Variants in CLMP observed in about 807,000 individuals in gnomAD.
CLMP encodes the protein CXADR-like membrane protein.
CLMP carries 27 observed loss-of-function variants against 45.2 expected under a neutral mutation model. The ratio of observed to expected loss-of-function variants is 0.60; its 90% CI spans 0.44 to 0.82. The LOEUF is 0.82. Ranked by LOEUF, CLMP falls within the 40% of genes least tolerant of loss-of-function variation. The probability of loss-of-function intolerance (pLI) is 0.00; values close to 1 mark genes in which losing one functional copy is unlikely to be tolerated. For synonymous variants in CLMP, 167 were observed against 171.4 expected (o/e 0.97, Z 0.20); for missense variants, 403 against 448.4 (o/e 0.90, Z 0.91).
chr11:123,150,527 G>GGAAGGAAGGAAA (rs1861316258), intron 1 of CLMP, among the ~76,000 whole-genome samples: 2 of 113,858 alleles, frequency 1.8e-5, no homozygotes, highest in African/African-American at 7.3e-5. Context: ...AAGGAAGGAA[G>GGAAGGAAGGAAA]GAAAGAAACA....
chr11:123,185,503 G>C (rs1861822024), intron 1 of CLMP, among the ~76,000 whole-genome samples: 1 of 152,226 alleles, frequency 6.6e-6, no homozygotes, highest in Non-Finnish European at 1.5e-5. Context: ...AACAGGGTGT[G>C]AGAGGCAGTG....
At chr11:123,078,301 C>T (rs1865763177) in intron 5 of CLMP, among the ~76,000 whole-genome samples, 1 of 151,946 alleles carries the variant, frequency 6.6e-6, no homozygotes. Flanking sequence ...TAGCTATAAG[C>T]AACAACAATG....
chr11:123,155,905 G>C (rs1484942212), intron 1 of CLMP, among the ~76,000 whole-genome samples: 1 of 152,178 alleles, frequency 6.6e-6, no homozygotes, highest in African/African-American at 2.4e-5. Context: ...CAGCCCAAGG[G>C]GAGGCCCACA....
intron 1 of CLMP, among the ~76,000 whole-genome samples, chr11:123,110,401 C>A (rs185362935): frequency 6.6e-6 from 1 of 151,668 alleles, no homozygotes; most frequent in East Asian, 1.9e-4. Flanking sequence ...TTGCCATGAG[C>A]CCTGATTGTG....
intron 1 of CLMP, among the ~76,000 whole-genome samples, chr11:123,171,427 T>TTTTC (rs1555086699): frequency 1.8e-3 from 249 of 139,284 alleles, no homozygotes; most frequent in African/African-American, 4.0e-3. Flanking sequence ...AAGATTTTTT[T>TTTTC]TTTTCTTTTC....
intron 1 of CLMP, among the ~76,000 whole-genome samples, chr11:123,181,427 G>C (rs1210430529): frequency 6.6e-6 from 1 of 152,186 alleles, no homozygotes; most frequent in Non-Finnish European, 1.5e-5. Context: ...TCGCCTCATG[G>C]TAGATATTCT....
At chr11:123,110,767 A>T (rs1315455248) in intron 1 of CLMP, among the ~76,000 whole-genome samples, 1 of 152,124 alleles carries the variant, frequency 6.6e-6, no homozygotes, top group Non-Finnish European at 1.5e-5. Flanking sequence ...GGAGTGAGGG[A>T]AAAGGGAGAA....
At position 123,164,295 on chromosome 11, in the gene CLMP, G is replaced by T. The variant is rs530198968; in HGVS notation, c.28+30618C>A. On this transcript the variant is annotated intron_variant, in intron 1 of 6. Transcript: ENST00000448775. ...GTAGGAACTCATTGATTTAGTTATTGTTATTTTTATTTTTATTTTATTTCC... is the reference window on the plus strand; with the variant it reads ...GTAGGAACTCATTGATTTAGTTATTTTTATTTTTATTTTTATTTTATTTCC... 1.9e-3 allele frequency among the ~76,000 whole-genome samples: 296 copies of T among 152,110 alleles called. 1 individual carries two copies. The highest frequency in any genetic ancestry group is 6.9e-3 in the African/African-American group (287 of 41,506).
chr11:123,074,736 T>C lies in CLMP; in HGVS notation c.787A>G (p.Arg263Gly), dbSNP rs1451361209. The C allele has an allele frequency of 6.8e-6, 11 of 1,614,182 alleles. No homozygotes were observed. The highest frequency in any genetic ancestry group is 9.3e-6 in the Non-Finnish European group (11 of 1,180,024). Reference protein sequence around the residue: ...WLLIRRKDKERYEEEERPNEI... With the variant: ...WLLIRRKDKEGYEEEERPNEI... ...TTAGGTCTCTCTTCTTCCTCATATC[T>C]TTCTTTGTCTTTCCTTCGGATTAGC... Residue 263 changes from arginine to glycine, a missense_variant, in exon 6 of 7, where the codon AGA becomes GGA. Physicochemically the swap from Arg to Gly is moderately radical, Grantham distance 125. Transcript: ENST00000448775.
At chr11:123,079,597 G>T (rs947088064) in intron 5 of CLMP, among the ~76,000 whole-genome samples, 3 of 152,058 alleles carry the variant, frequency 2.0e-5, no homozygotes, top group Non-Finnish European at 4.4e-5. Context: ...GGGATTACAG[G>T]CATGCCCAGC....
At chr11:123,188,455 TTCCTCCTCCTCC>T (rs71476533) in intron 1 of CLMP, among the ~76,000 whole-genome samples, 1 of 127,880 alleles carries the variant, frequency 7.8e-6, no homozygotes, top group African/African-American at 3.0e-5. Context: ...CCTCCTCTTC[TTCCTCCTCCTCC>T]TCCTCTCCTT....
chr11:123,123,259 CTTTTT>C (rs11458946), intron 1 of CLMP, among the ~76,000 whole-genome samples: 12 of 117,700 alleles, frequency 1.0e-4, no homozygotes, highest in African/African-American at 3.7e-4. Context: ...TCTTTCTTTC[CTTTTT>C]TTTTTTTTTT....
chr11:123,180,697 G>T (rs954074938), intron 1 of CLMP, among the ~76,000 whole-genome samples: 1 of 152,176 alleles, frequency 6.6e-6, no homozygotes, highest in Non-Finnish European at 1.5e-5. Flanking sequence ...GCTGGGGCAG[G>T]GGTGAGAGAG....
chr11:123,160,587 T>C (rs1488793824), intron 1 of CLMP, among the ~76,000 whole-genome samples: 1 of 152,174 alleles, frequency 6.6e-6, no homozygotes, highest in Non-Finnish European at 1.5e-5. Context: ...CTGATTGACT[T>C]GTTTTCTAAG....
intron 1 of CLMP, among the ~76,000 whole-genome samples, chr11:123,123,868 C>A (rs577005857): frequency 1.3e-5 from 2 of 151,984 alleles, no homozygotes; most frequent in African/African-American, 4.8e-5. Flanking sequence ...GAGGAGATGG[C>A]GACCCATAAA....
chr11:123,172,640 C>G (rs923612269), intron 1 of CLMP, among the ~76,000 whole-genome samples: 2 of 152,044 alleles, frequency 1.3e-5, no homozygotes, highest in African/African-American at 2.4e-5. Flanking sequence ...AGCCACTATA[C>G]TTGGCTAATT....
At chr11:123,171,420 AT>A (rs201213690) in intron 1 of CLMP, among the ~76,000 whole-genome samples, 2,742 of 125,162 alleles carry the variant, frequency 0.022, 111 homozygotes, top group Admixed American at 0.1. Context: ...ATTCCCTAAG[AT>A]TTTTTTTTTT....
chr11:123,078,249 TATATA>T (rs1301672825), intron 5 of CLMP, among the ~76,000 whole-genome samples: 1 of 152,212 alleles, frequency 6.6e-6, no homozygotes, highest in Non-Finnish European at 1.5e-5. Flanking sequence ...ATTGTATAGT[TATATA>T]ATGAAATACT....
chr11:123,111,054 T>C (rs1331945458), intron 1 of CLMP, among the ~76,000 whole-genome samples: 1 of 152,178 alleles, frequency 6.6e-6, no homozygotes, highest in African/African-American at 2.4e-5. Context: ...TTGAATGTGA[T>C]GCGAAATATA....
Sources: gnomAD v4.1 joint callset for allele counts (sites outside exome capture counted in the v4.1 genomes callset) on GRCh38, gnomAD v4.1.1 for gene constraint, MANE v1.5 for transcripts, NCBI Gene and HGNC (gene_info 2026-07-23, HGNC 2026-07-21) for gene names.